The following NEDD4L variants were observed in gnomAD, a reference collection of about 807,000 sequenced individuals.
NEDD4L encodes NEDD4 like E3 ubiquitin protein ligase.
Under a neutral mutation model 148.9 loss-of-function variants are expected in NEDD4L, and 54 were observed. The ratio of observed to expected loss-of-function variants is 0.36; its 90% CI spans 0.29 to 0.45. The LOEUF is 0.45. Ranked by LOEUF, NEDD4L falls within the 20% of genes least tolerant of loss-of-function variation. NEDD4L has a pLI of 1.00. For missense variants in NEDD4L, 856 were observed against 1,233.8 expected (o/e 0.69, Z 4.59); for synonymous variants, 433 against 440.7 (o/e 0.98, Z 0.22).
intron 1 of NEDD4L, among the ~76,000 whole-genome samples, chr18:58,105,816 T>C (rs2085037285): frequency 6.6e-6 from 1 of 152,202 alleles, no homozygotes; most frequent in African/African-American, 2.4e-5. Flanking sequence ...TGGTACTTTT[T>C]GGAAGGAAAG....
At chr18:58,313,269 A>AT (rs1254783692) in intron 5 of NEDD4L, among the ~76,000 whole-genome samples, 1 of 152,112 alleles carries the variant, frequency 6.6e-6, no homozygotes, top group African/African-American at 2.4e-5. Context: ...GTTTTAAAAC[A>AT]TTTTTTTAAC....
intron 5 of NEDD4L, among the ~76,000 whole-genome samples, chr18:58,280,750 T>C (rs1243525903): frequency 6.6e-6 from 1 of 152,130 alleles, no homozygotes; most frequent in Non-Finnish European, 1.5e-5. Flanking sequence ...TTTTGCTGTC[T>C]CCAACCATCA....
rs8096096 is a variant in NEDD4L at position 58,152,995 on chromosome 18, C to T, written c.49-12793C>T. On this transcript the variant is annotated intron_variant, in intron 1 of 30. Coordinates refer to ENST00000400345, the MANE Select transcript of NEDD4L (RefSeq NM_001144967.3). ...ACCTATGGGGTGGCTGATGCCTTTTCTGTGTCTTCAGGGTTTTAGGGGAAG... is the reference window on the plus strand; with the variant it reads ...ACCTATGGGGTGGCTGATGCCTTTTTTGTGTCTTCAGGGTTTTAGGGGAAG... 8.9e-3 allele frequency among the ~76,000 whole-genome samples: 1,351 copies of T among 152,266 alleles called. 15 individuals carry two copies. Among genetic ancestry groups the T allele is most frequent in the African/African-American group, 0.031 (1,281 of 41,560 alleles).
intron 1 of NEDD4L, among the ~76,000 whole-genome samples, chr18:58,142,109 T>G (rs2033604545): frequency 7.2e-6 from 1 of 138,036 alleles, no homozygotes; most frequent in Non-Finnish European, 1.5e-5. Context: ...TGCAGTGGCG[T>G]GATCTGGGGT....
In NEDD4L at chr18:58,252,013, A is replaced by G; in HGVS notation, c.256A>G (p.Asn86Asp). The change falls in exon 5 of 31, where the codon AAT becomes GAT. Residue 86 changes from asparagine to aspartate, a missense_variant. Around this residue, in one of 4 missense-constraint regions of NEDD4L, gnomAD observed 193 missense variants for 244.2 expected, o/e 0.79. Transcript: ENST00000400345. ...ATGTTCCTTATAGGTAAACCCATCT[A>G]ATCACAGACTCCTATTTGAAGTATT... ...EEFYFRVNPS[N>D]HRLLFEVFDE... 6.3e-7 allele frequency: 1 copy of G among 1,578,380 alleles called. No homozygotes were observed. The highest frequency in any genetic ancestry group is 1.1e-5 in the South Asian group (1 of 90,328).
rs115004208 is a variant in NEDD4L at position 58,168,587 on chromosome 18, G to A, written c.122+2726G>A. 4.1e-3 allele frequency among the ~76,000 whole-genome samples: 618 copies of A among 152,274 alleles called. 5 individuals carry two copies. The highest frequency in any genetic ancestry group is 0.014 in the African/African-American group (572 of 41,548). On this transcript the variant is annotated intron_variant, in intron 2 of 30. Transcript: ENST00000400345. ...GGTAGTGTCCTCTCTGGCAGCCACCGTCTCCTTCAGAGCCCTGGGCCACTG... is the reference window on the plus strand; with the variant it reads ...GGTAGTGTCCTCTCTGGCAGCCACCATCTCCTTCAGAGCCCTGGGCCACTG...
At chr18:58,383,636 A>G (rs7239275) in intron 25 of NEDD4L, among the ~76,000 whole-genome samples, 66,020 of 151,538 alleles carry the variant, frequency 0.44, 15,800 homozygotes, top group East Asian at 0.6. Flanking sequence ...GCAACGGAGA[A>G]CCACGGTGTC....
At chr18:58,344,304 C>T (rs972944666) in intron 16 of NEDD4L, among the ~76,000 whole-genome samples, 4 of 152,214 alleles carry the variant, frequency 2.6e-5, no homozygotes, top group Non-Finnish European at 5.9e-5. Context: ...TCCTAGAATC[C>T]TTTGAACCGT....
chr18:58,317,917 G>A (rs1005150253), intron 6 of NEDD4L, among the ~76,000 whole-genome samples: 1 of 152,178 alleles, frequency 6.6e-6, no homozygotes, highest in Non-Finnish European at 1.5e-5. Flanking sequence ...CAGAGAGATG[G>A]ACCACAAAGA....
intron 18 of NEDD4L, among the ~76,000 whole-genome samples, chr18:58,351,932 G>A (rs886902810): frequency 3.9e-5 from 6 of 152,184 alleles, no homozygotes; most frequent in African/African-American, 1.4e-4. Flanking sequence ...ATCCTCACAC[G>A]TATAGGACTG....
chr18:58,130,404 TTGAC>T (rs367661778), intron 1 of NEDD4L, among the ~76,000 whole-genome samples: 17 of 141,122 alleles, frequency 1.2e-4, no homozygotes, highest in East Asian at 8.1e-4. Flanking sequence ...TGGGGTTTGG[TTGAC>T]TGTGATCTAG....
At chr18:58,233,199 A>G (rs998253674) in intron 2 of NEDD4L, among the ~76,000 whole-genome samples, 2 of 152,236 alleles carry the variant, frequency 1.3e-5, no homozygotes, top group East Asian at 1.9e-4. Context: ...ATGCTATGCA[A>G]TAATCAGAAT....
intron 15 of NEDD4L, 53 bp from the exon 16 acceptor site, chr18:58,342,853 C>T: frequency 7.2e-7 from 1 of 1,396,550 alleles, no homozygotes; most frequent in Non-Finnish European, 9.5e-7. Context: ...TACATTTTGG[C>T]ACATTGGAAT....
intron 2 of NEDD4L, among the ~76,000 whole-genome samples, chr18:58,172,444 CCT>C (rs957983723): frequency 3.3e-5 from 5 of 152,178 alleles, no homozygotes; most frequent in Non-Finnish European, 7.3e-5. Context: ...TTCAGCAGCT[CCT>C]GTTTCTTGAG....
At chr18:58,194,817 T>C (rs969060592) in intron 2 of NEDD4L, among the ~76,000 whole-genome samples, 2 of 152,178 alleles carry the variant, frequency 1.3e-5, no homozygotes, top group African/African-American at 4.8e-5. Context: ...GATAATACTT[T>C]TAGAGCCACG....
chr18:58,366,362 A>C lies in NEDD4L; in HGVS notation c.2063+134A>C. 1.7e-6 allele frequency: 1 copy of C among 590,296 alleles called. No homozygotes were observed. Among genetic ancestry groups the C allele is most frequent in the East Asian group, 2.8e-5 (1 of 35,842 alleles). 36.6% of individuals were successfully genotyped at this position (590,296 alleles called of 1,614,324 possible). A position where few individuals can be genotyped will look rare whatever the true frequency, so the allele number is the denominator to read the frequency against. On this transcript the variant is annotated intron_variant, in intron 21 of 30. Coordinates refer to ENST00000400345, the MANE Select transcript of NEDD4L (RefSeq NM_001144967.3). This position sits in a 1 kb window ranked among gnomAD's most constrained non-coding sequence, Gnocchi z 4.2. ...TGAGTTTGTTCTCTCCTCACCCCAC[A>C]GCCCCTTGCAAGTCTAGAACAGGTT... is the stretch of plus-strand genomic sequence containing the variant.
chr18:58,201,140 C>G (rs191126090), intron 2 of NEDD4L, among the ~76,000 whole-genome samples: 77 of 152,320 alleles, frequency 5.1e-4, no homozygotes, highest in Admixed American at 1.9e-3. Flanking sequence ...CGAGGCCACC[C>G]TGGCCAACGT....
chr18:58,390,980 C>T (rs2146978564), intron 29 of NEDD4L, among the ~76,000 whole-genome samples: 1 of 151,560 alleles, frequency 6.6e-6, no homozygotes, highest in South Asian at 2.1e-4. Context: ...CATAAGGCTG[C>T]TCTTTTTTTT....
intron 19 of NEDD4L, among the ~76,000 whole-genome samples, chr18:58,358,042 C>G (rs954899715): frequency 3.9e-5 from 6 of 152,172 alleles, no homozygotes; most frequent in African/African-American, 1.4e-4. Flanking sequence ...ATTTGGGATT[C>G]TTAGACCAGA....
Sources: allele counts gnomAD v4.1 joint callset (sites outside exome capture counted in the v4.1 genomes callset), GRCh38; gene constraint gnomAD v4.1.1; regional missense constraint gnomAD v4.1.1; non-coding constraint Gnocchi (gnomAD v3.1); transcripts MANE v1.5; gene names NCBI Gene and HGNC (gene_info 2026-07-23, HGNC 2026-07-21).